The following CSMD1 variants were observed in gnomAD, a reference collection of about 807,000 sequenced individuals.
The protein encoded by CSMD1 is CUB and Sushi multiple domains 1.
In CSMD1, 213 loss-of-function variants were observed where a neutral mutation model predicts 417.5. The ratio of observed to expected loss-of-function variants is 0.51; its 90% CI spans 0.46 to 0.57. The LOEUF (loss-of-function observed/expected upper bound fraction) is 0.57, where lower values mean the gene tolerates loss of function less well. CSMD1 is among the 20% of genes least tolerant of loss of function. CSMD1 has a pLI of 0.00. For missense variants in CSMD1, 6,923 were observed against 4,529.7 expected (o/e 1.53, Z -15.17); for synonymous variants, 2,862 against 1,736.8 (o/e 1.65, Z -16.11).
In CSMD1 at chr8:3,745,250, A is replaced by G. The variant is rs193028479; in HGVS notation, c.931+8680T>C. On this transcript the variant is annotated intron_variant, in intron 6 of 69. Transcript: ENST00000635120. ...TATGCCATGGTCAAAAGTTAACTAC[A>G]AGGCTCCCCTGGAGGAGAATATGCC... Among the ~76,000 whole-genome samples the G allele has an allele frequency of 9.8e-4, 150 of 152,326 alleles. 1 individual carries two copies. The highest frequency in any genetic ancestry group is 3.5e-3 in the African/African-American group (147 of 41,578).
At chr8:4,190,388 C>G (rs1011284863) in intron 3 of CSMD1, among the ~76,000 whole-genome samples, 2 of 151,950 alleles carry the variant, frequency 1.3e-5, no homozygotes, top group Non-Finnish European at 2.9e-5. Context: ...GCAGCCACTA[C>G]TTGACAGAAT....
intron 3 of CSMD1, among the ~76,000 whole-genome samples, chr8:4,321,923 T>C (rs1799293765): frequency 6.6e-6 from 1 of 152,130 alleles, no homozygotes; most frequent in Non-Finnish European, 1.5e-5. Flanking sequence ...TATTACAGTA[T>C]ATTTTTATTT....
intron 3 of CSMD1, among the ~76,000 whole-genome samples, chr8:4,279,310 A>T (rs1350758357): frequency 6.6e-6 from 1 of 152,238 alleles, no homozygotes; most frequent in Non-Finnish European, 1.5e-5. Flanking sequence ...CAAGTCATGA[A>T]GAAACACACA....
At chr8:3,837,084 GA>G (rs560613478) in intron 5 of CSMD1, among the ~76,000 whole-genome samples, 197 of 150,592 alleles carry the variant, frequency 1.3e-3, no homozygotes, top group African/African-American at 4.6e-3. Context: ...GAGCTAGGAA[GA>G]ACGCTACCAT....
At chr8:4,827,001 G>C (rs1585168348) in intron 1 of CSMD1, among the ~76,000 whole-genome samples, 1 of 152,140 alleles carries the variant, frequency 6.6e-6, no homozygotes, top group Middle Eastern at 3.4e-3. Context: ...CAAATTGCTT[G>C]CCTATCTTCC....
At chr8:4,421,215 C>T (rs1403485072) in intron 2 of CSMD1, among the ~76,000 whole-genome samples, 1 of 152,098 alleles carries the variant, frequency 6.6e-6, no homozygotes, top group Non-Finnish European at 1.5e-5. Context: ...GAAGACAAGT[C>T]AGTGAAGCAA....
At chr8:3,950,114 T>C (rs978866200) in intron 5 of CSMD1, among the ~76,000 whole-genome samples, 1 of 152,036 alleles carries the variant, frequency 6.6e-6, no homozygotes, top group East Asian at 1.9e-4. Context: ...TAATAATAAT[T>C]AGACACGTTA....
intron 23 of CSMD1, among the ~76,000 whole-genome samples, chr8:3,342,861 A>C (rs1394340779): frequency 1.4e-5 from 2 of 147,584 alleles, no homozygotes; most frequent in African/African-American, 2.5e-5. Flanking sequence ...GTGTGTGCTT[A>C]TACATATATA....
intron 41 of CSMD1, chr8:3,128,197 A>T (rs1042834397): frequency 1.3e-5 from 2 of 152,188 alleles, no homozygotes; most frequent in Non-Finnish European, 2.9e-5. Context: ...ACTATTATTC[A>T]CATCAAGTTT....
chr8:4,431,118 A>G (rs1658821), intron 2 of CSMD1, among the ~76,000 whole-genome samples: 127,571 of 152,052 alleles, frequency 0.84, 53,951 homozygotes, highest in African/African-American at 0.92. Flanking sequence ...AGACCACATG[A>G]CTGTAGAAAA....
chr8:4,107,692 G>A (rs1801639054), intron 3 of CSMD1, among the ~76,000 whole-genome samples: 2 of 152,110 alleles, frequency 1.3e-5, no homozygotes, highest in Non-Finnish European at 1.5e-5. Flanking sequence ...ACATGACAGG[G>A]AACCGGGCAG....
At chr8:3,911,357 T>G (rs1382761298) in intron 5 of CSMD1, among the ~76,000 whole-genome samples, 1 of 151,566 alleles carries the variant, frequency 6.6e-6, no homozygotes, top group African/African-American at 2.4e-5. Context: ...TGAAACCCCA[T>G]CTCTACTAAA....
chr8:3,455,460 T>C (rs1408147213), intron 12 of CSMD1, among the ~76,000 whole-genome samples: 1 of 152,220 alleles, frequency 6.6e-6, no homozygotes, highest in Non-Finnish European at 1.5e-5. Context: ...CCTTTGGTCT[T>C]TGATGATGGT....
chr8:4,280,693 A>G (rs1172316942), intron 3 of CSMD1, among the ~76,000 whole-genome samples: 2 of 152,248 alleles, frequency 1.3e-5, no homozygotes, highest in East Asian at 1.9e-4. Context: ...CTAGATGAGC[A>G]CAGCTCTATA....
Position 3,854,353 on chromosome 8 carries a change from T to C in CSMD1, c.819-100311A>G, listed in dbSNP as rs191924950. On this transcript the variant is annotated intron_variant, in intron 5 of 69. Transcript: ENST00000635120. ...GTAGTCTTTTTTCAGATAAATTCTT[T>C]TCCTTTTGATTTTAAGAACACAGAT... Among the ~76,000 whole-genome samples the C allele has an allele frequency of 3.9e-3, 599 of 152,038 alleles. 1 individual carries two copies. Among genetic ancestry groups the C allele is most frequent in the Non-Finnish European group, 6.4e-3 (433 of 67,938 alleles).
intron 21 of CSMD1, among the ~76,000 whole-genome samples, chr8:3,352,483 C>T (rs1471558954): frequency 2.6e-5 from 4 of 152,026 alleles, no homozygotes; most frequent in Non-Finnish European, 5.9e-5. Context: ...TGATGGGGTA[C>T]AGGAATTTAT....
At chr8:4,993,574 C>T (rs1350014876) in intron 1 of CSMD1, among the ~76,000 whole-genome samples, 2 of 152,122 alleles carry the variant, frequency 1.3e-5, no homozygotes, top group African/African-American at 4.8e-5. Flanking sequence ...CAGGAGCCAC[C>T]CAGAGAAACT....
intron 5 of CSMD1, among the ~76,000 whole-genome samples, chr8:3,930,621 G>A (rs762336540): frequency 6.7e-6 from 1 of 150,280 alleles, no homozygotes; most frequent in South Asian, 2.2e-4. Flanking sequence ...TAGGGTGGCC[G>A]TGTCAGGTTA....
intron 1 of CSMD1, among the ~76,000 whole-genome samples, chr8:4,719,459 C>A (rs1249427269): frequency 1.3e-5 from 2 of 152,006 alleles, no homozygotes; most frequent in East Asian, 3.9e-4. Context: ...TGCTTCCTTT[C>A]TTCCAGAAAT....
Sources: gnomAD v4.1 joint callset for allele counts (sites outside exome capture counted in the v4.1 genomes callset) on GRCh38, gnomAD v4.1.1 for gene constraint, MANE v1.5 for transcripts, NCBI Gene and HGNC (gene_info 2026-07-23, HGNC 2026-07-21) for gene names.